The following SHB variants were observed in gnomAD, a reference collection of about 807,000 sequenced individuals.
SHB encodes the protein SH2 domain containing adaptor protein B, also known as SH2 domain-containing adapter protein B.
SHB carries 20 observed loss-of-function variants against 52.3 expected under a neutral mutation model. The ratio of observed to expected loss-of-function variants is 0.38; its 90% CI spans 0.27 to 0.56. The LOEUF is 0.56. SHB is among the 20% of genes least tolerant of loss of function. The probability of loss-of-function intolerance (pLI) is 0.71; values close to 1 mark genes in which losing one functional copy is unlikely to be tolerated. For synonymous variants in SHB, 397 were observed against 316.5 expected, an observed-to-expected ratio of 1.25 and a Z score of -2.70; for missense variants, 825 against 723.3, an observed-to-expected ratio of 1.14 and a Z score of -1.61.
rs1030137553 is a variant in SHB, at chr9:37,916,080, A to G, written c.*3741T>C. On this transcript the variant is annotated 3_prime_UTR_variant, in exon 6 of 6. Transcript: ENST00000377707. ...AAAGGCCAAGGGGCACCTGTGTTCC[A>G]GGACCAAGGGGCTTGCCCTCCTGCA... 8.0e-5 allele frequency among the ~76,000 whole-genome samples: 12 copies of G among 150,780 alleles called. No homozygotes were observed. The highest frequency in any genetic ancestry group is 3.0e-4 in the African/African-American group (12 of 40,068).
At chr9:37,986,490 C>T (rs774974413) in intron 2 of SHB, among the ~76,000 whole-genome samples, 8 of 152,054 alleles carry the variant, frequency 5.3e-5, no homozygotes, top group Admixed American at 6.5e-5. Flanking sequence ...GGACCAGGAG[C>T]CTTCATTGGG....
chr9:38,044,814 T>A (rs1382307737), intron 1 of SHB, among the ~76,000 whole-genome samples: 1 of 152,226 alleles, frequency 6.6e-6, no homozygotes, highest in Admixed American at 6.5e-5. Context: ...CACTCCTGCA[T>A]CCACTCTGGG....
At chr9:38,015,971 C>T (rs771149178) in intron 2 of SHB, 40 bp downstream of exon 2, 4 of 1,607,160 alleles carry the variant, frequency 2.5e-6, no homozygotes, top group Non-Finnish European at 3.4e-6. Flanking sequence ...TCTACCCCTA[C>T]AACCCCAGCT....
chr9:38,034,885 T>C (rs552636153), intron 1 of SHB, among the ~76,000 whole-genome samples: 4 of 152,334 alleles, frequency 2.6e-5, no homozygotes, highest in Non-Finnish European at 4.4e-5. Flanking sequence ...TTAGCAGAGA[T>C]GGTGTTTCAC....
At position 38,067,920 on chromosome 9, in the gene SHB, G is replaced by A. The variant is rs759564628; in HGVS notation, c.717+9C>T. ...TGGAACCTCGGGAAGAGGCCAAGGG[G>A]CACCTTACCTTGTCCTTCTTGCCGG... On this transcript the variant is annotated intron_variant, in intron 1 of 5. Coordinates refer to ENST00000377707, the MANE Select transcript of SHB (RefSeq NM_003028.3). 11 of 1,501,250 alleles carry A rather than the reference G, an allele frequency of 7.3e-6. No homozygotes were observed. In the South Asian group the frequency reaches 1.4e-4, roughly 19 times the overall value. The allele number at this position is 1,501,250 out of a possible 1,614,324, so 93.0% of individuals were successfully genotyped here. A position where few individuals can be genotyped will look rare whatever the true frequency, so the allele number is the denominator to read the frequency against.
chr9:38,023,351 CGTT>C (rs1468754924), intron 1 of SHB, among the ~76,000 whole-genome samples: 1 of 152,130 alleles, frequency 6.6e-6, no homozygotes, highest in Non-Finnish European at 1.5e-5. Flanking sequence ...TTCACATAAA[CGTT>C]GTAAGGAGCA....
chr9:37,972,298 C>A (rs1260333131), intron 3 of SHB, among the ~76,000 whole-genome samples: 1 of 152,300 alleles, frequency 6.6e-6, no homozygotes, highest in African/African-American at 2.4e-5. Context: ...AGAAACACAG[C>A]CCCTGATCAG....
intron 1 of SHB, among the ~76,000 whole-genome samples, chr9:38,038,904 A>G (rs1004478281): frequency 2.6e-5 from 4 of 152,214 alleles, no homozygotes; most frequent in African/African-American, 9.6e-5. Flanking sequence ...AGTGTGTGCC[A>G]AAGAGAACAA....
intron 1 of SHB, among the ~76,000 whole-genome samples, chr9:38,059,125 T>A (rs1279494506): frequency 6.6e-6 from 1 of 152,134 alleles, no homozygotes; most frequent in Non-Finnish European, 1.5e-5. Context: ...ACTGAATGAA[T>A]GAATGAATGA....
At chr9:37,939,717 C>T (rs892222048) in intron 5 of SHB, among the ~76,000 whole-genome samples, 2 of 152,174 alleles carry the variant, frequency 1.3e-5, no homozygotes, top group Admixed American at 6.5e-5. Context: ...TTCCGAGAGA[C>T]CCCACAAGGT....
At chr9:38,023,590 G>C (rs6476673) in intron 1 of SHB, among the ~76,000 whole-genome samples, 88,988 of 152,046 alleles carry the variant, frequency 0.59, 26,145 homozygotes, top group Middle Eastern at 0.66. Flanking sequence ...GGGAAAATGG[G>C]TACAATTATG....
chr9:37,930,599 T>A (rs753497046), intron 5 of SHB, among the ~76,000 whole-genome samples: 2 of 152,168 alleles, frequency 1.3e-5, no homozygotes, highest in Non-Finnish European at 2.9e-5. Flanking sequence ...ACCAAGGGTG[T>A]TCACCAGCAC....
intron 5 of SHB, among the ~76,000 whole-genome samples, chr9:37,920,305 CAAAACAAAACA>C (rs1204935422): frequency 6.8e-6 from 1 of 147,280 alleles, no homozygotes; most frequent in Admixed American, 6.9e-5. Flanking sequence ...CAAAACAAAA[CAAAACAAAACA>C]AAACAAAACA....
intron 2 of SHB, among the ~76,000 whole-genome samples, chr9:38,001,841 C>T (rs1226719255): frequency 6.6e-6 from 1 of 152,214 alleles, no homozygotes; most frequent in Non-Finnish European, 1.5e-5. Flanking sequence ...CCCGCTGAGA[C>T]CTCTGTAGAT....
At chr9:38,060,074 G>C (rs915187157) in intron 1 of SHB, among the ~76,000 whole-genome samples, 9 of 152,198 alleles carry the variant, frequency 5.9e-5, no homozygotes, top group African/African-American at 1.7e-4. Flanking sequence ...TCAGGCATGG[G>C]ATTGTGCAGC....
chr9:37,993,630 A>T (rs1158685840), intron 2 of SHB, among the ~76,000 whole-genome samples: 3 of 152,198 alleles, frequency 2.0e-5, no homozygotes, highest in Non-Finnish European at 2.9e-5. Flanking sequence ...AGTTTGTGTT[A>T]ATGTAAGTTA....
rs749442138 is a variant in SHB at position 38,068,307 on chromosome 9, G to A, written c.339C>T (p.Asp113=). Residue 113 remains aspartate, a synonymous_variant, in exon 1 of 6, where the codon GAC becomes GAT. Coordinates refer to ENST00000377707, the MANE Select transcript of SHB (RefSeq NM_003028.3). ...CTGGCTCCCCGCTGCCGCCGCAGTAGTCCAGGCGGCACATGGCGCGCAGTT... is the reference window on the plus strand; with the variant it reads ...CTGGCTCCCCGCTGCCGCCGCAGTAATCCAGGCGGCACATGGCGCGCAGTT... The part of the protein sequence containing the change: ...LRKLRAMCRL[D]YCGGSGEPGG... The A allele has an allele frequency of 8.6e-6, 13 of 1,513,744 alleles. No homozygotes were observed. In the Admixed American group the frequency reaches 1.3e-4, roughly 15 times the overall value. 93.8% of individuals were successfully genotyped at this position (1,513,744 alleles called of 1,614,324 possible). A position where few individuals can be genotyped will look rare whatever the true frequency, so the allele number is the denominator to read the frequency against.
intron 2 of SHB, among the ~76,000 whole-genome samples, chr9:37,982,203 A>G (rs569500851): frequency 6.6e-6 from 1 of 152,338 alleles, no homozygotes; most frequent in South Asian, 2.1e-4. Context: ...GTATTTTGAA[A>G]GAAGATGGGC....
At chr9:38,018,355 C>G (rs1273813020) in intron 1 of SHB, among the ~76,000 whole-genome samples, 1 of 152,116 alleles carries the variant, frequency 6.6e-6, no homozygotes, top group African/African-American at 2.4e-5. Context: ...AAAATGAGAT[C>G]TGAGCTCAGG....
Sources: allele counts gnomAD v4.1 joint callset (sites outside exome capture counted in the v4.1 genomes callset), GRCh38; gene constraint gnomAD v4.1.1; transcripts MANE v1.5; gene names NCBI Gene and HGNC (gene_info 2026-07-23, HGNC 2026-07-21).